The following BRINP2 variants were observed in gnomAD, a reference collection of about 807,000 sequenced individuals.
The protein encoded by BRINP2 is BMP/retinoic acid inducible neural specific 2, also known as BMP/retinoic acid-inducible neural-specific protein 2.
Under a neutral mutation model 69.2 loss-of-function variants are expected in BRINP2, and 21 were observed. The observed-to-expected ratio is 0.30, with a 90% CI of 0.22 to 0.44. The LOEUF is 0.44. Ranked by LOEUF, BRINP2 falls within the 20% of genes least tolerant of loss-of-function variation. The pLI, the probability that BRINP2 is intolerant of heterozygous loss-of-function variation, is 1.00. For synonymous variants in BRINP2, 380 were observed against 394.1 expected, an observed-to-expected ratio of 0.96 and a Z score of 0.42; for missense variants, 877 against 986.0, an observed-to-expected ratio of 0.89 and a Z score of 1.48.
chr1:177,226,007 A>G (rs2102322347), intron 1 of BRINP2, among the ~76,000 whole-genome samples: 1 of 152,390 alleles, frequency 6.6e-6, no homozygotes, highest in East Asian at 1.9e-4. Flanking sequence ...ATAACCAGGC[A>G]GGTTCTAGCA....
intron 2 of BRINP2, among the ~76,000 whole-genome samples, chr1:177,236,920 A>G (rs1650045811): frequency 7.1e-6 from 1 of 141,560 alleles, no homozygotes; most frequent in Non-Finnish European, 1.5e-5. Context: ...GGTGCAACTA[A>G]AAAAAAAAAA....
At position 177,243,696 on chromosome 1, in the gene BRINP2, A is replaced by T. The variant is rs1650282536; in HGVS notation, c.270-12223A>T. Among the ~76,000 whole-genome samples, 6 of 152,334 alleles carry T rather than the reference A, an allele frequency of 3.9e-5. No individual in the cohort carries two copies. In the South Asian group the frequency reaches 1.2e-3, roughly 32 times the overall value. On this transcript the variant is annotated intron_variant, in intron 2 of 7. Coordinates refer to ENST00000361539, the MANE Select transcript of BRINP2 (RefSeq NM_021165.4). ...AACTGCTGAAACAAACAGTCCTCAA[A>T]TCTGAGTGACTTAATGAAAGTTTAT...
intron 2 of BRINP2, among the ~76,000 whole-genome samples, chr1:177,242,158 G>A (rs1218332852): frequency 2.0e-5 from 3 of 152,028 alleles, no homozygotes; most frequent in South Asian, 2.1e-4. Context: ...AGATTCTATC[G>A]CAGAACTGTC....
chr1:177,240,972 A>G (rs2102333335), intron 2 of BRINP2, among the ~76,000 whole-genome samples: 1 of 152,012 alleles, frequency 6.6e-6, no homozygotes, highest in South Asian at 2.1e-4. Context: ...CACTGGAGCC[A>G]ATATTTTTTT....
At chr1:177,246,203 C>G (rs1650373745) in intron 2 of BRINP2, among the ~76,000 whole-genome samples, 1 of 152,164 alleles carries the variant, frequency 6.6e-6, no homozygotes, top group South Asian at 2.1e-4. Context: ...GGGATCTCTC[C>G]CAGCCACAGT....
intron 1 of BRINP2, among the ~76,000 whole-genome samples, chr1:177,172,826 A>C (rs1647976091): frequency 6.6e-6 from 1 of 152,214 alleles, no homozygotes; most frequent in East Asian, 1.9e-4. Context: ...TAAAAGGTCA[A>C]GCTTATAGTT....
chr1:177,172,265 G>T (rs1200562078), intron 1 of BRINP2, among the ~76,000 whole-genome samples: 1 of 152,208 alleles, frequency 6.6e-6, no homozygotes, highest in African/African-American at 2.4e-5. Context: ...CCTGTAGGTT[G>T]CAAATAGTCT....
chr1:177,187,201 CAACT>C (rs1356289857), intron 1 of BRINP2, among the ~76,000 whole-genome samples: 1 of 150,364 alleles, frequency 6.7e-6, no homozygotes, highest in Non-Finnish European at 1.5e-5. Flanking sequence ...TTCTCTAACT[CAACT>C]GTTTCCTGCC....
At chr1:177,254,380 AC>A (rs34860813) in intron 2 of BRINP2, among the ~76,000 whole-genome samples, 1 of 79,474 alleles carries the variant, frequency 1.3e-5, no homozygotes, top group Non-Finnish European at 3.0e-5. Context: ...GCACACATGC[AC>A]ACACACACAC....
chr1:177,228,982 G>C (rs998356781), intron 1 of BRINP2, among the ~76,000 whole-genome samples: 2 of 152,156 alleles, frequency 1.3e-5, no homozygotes, highest in African/African-American at 2.4e-5. Context: ...TCTGCTCTCA[G>C]GAGCTGGTAT....
chr1:177,257,438 G>A, intron 4 of BRINP2, 54 bp downstream of exon 4: 2 of 1,490,502 alleles, frequency 1.3e-6, no homozygotes, highest in Non-Finnish European at 1.8e-6. Flanking sequence ...GAGGAACCAG[G>A]GGGAGGCCAG....
At chr1:177,214,564 G>A (rs1649321724) in intron 1 of BRINP2, among the ~76,000 whole-genome samples, 1 of 152,200 alleles carries the variant, frequency 6.6e-6, no homozygotes, top group African/African-American at 2.4e-5. Context: ...AAGTTTTCCT[G>A]AATGCCAAGT....
intron 2 of BRINP2, among the ~76,000 whole-genome samples, chr1:177,236,462 A>C (rs1056325326): frequency 6.6e-6 from 1 of 152,190 alleles, no homozygotes; most frequent in African/African-American, 2.4e-5. Context: ...ATAATTCTAG[A>C]ACATATATAG....
chr1:177,184,078 A>G (rs1648352565), intron 1 of BRINP2, among the ~76,000 whole-genome samples: 1 of 152,250 alleles, frequency 6.6e-6, no homozygotes, highest in South Asian at 2.1e-4. Context: ...ATGGTATGCA[A>G]TCTACTTGAC....
intron 3 of BRINP2, 200 bp from the exon 4 acceptor site, chr1:177,256,976 T>C: frequency 4.1e-6 from 6 of 1,472,094 alleles, no homozygotes; most frequent in Non-Finnish European, 5.4e-6. Context: ...GAAGAGGGCC[T>C]TTCAGGCAGC....
chr1:177,273,438 G>C, intron 4 of BRINP2, 50 bp from the exon 5 acceptor site: 1 of 1,255,290 alleles, frequency 8.0e-7, no homozygotes, highest in African/African-American at 1.5e-5. Flanking sequence ...AAGTATAAAG[G>C]GAGTCTCCAC....
In BRINP2 at chr1:177,256,274, T is replaced by G. The variant is rs1265431844; in HGVS notation, c.460+165T>G. 6 of 976,910 alleles carry G rather than the reference T, an allele frequency of 6.1e-6. No individual in the cohort carries two copies. The African/African-American group carries it at 7.0e-5, about 11-fold the overall frequency. 60.5% of individuals were successfully genotyped at this position (976,910 alleles called of 1,614,324 possible). On this transcript the variant is annotated intron_variant, in intron 3 of 7. Transcript: ENST00000361539. ...ACAGTGCAGTCTCTTGACATCTCAA[T>G]TTACCCCAGAACATCTCTATTTAAT...
chr1:177,204,307 G>A (rs1036068833), intron 1 of BRINP2, among the ~76,000 whole-genome samples: 20 of 152,148 alleles, frequency 1.3e-4, no homozygotes, highest in Non-Finnish European at 2.9e-4. Context: ...GGGTGGAGGT[G>A]TGAATCTCAT....
intron 7 of BRINP2, among the ~76,000 whole-genome samples, chr1:177,279,080 A>G (rs1030370982): frequency 1.3e-5 from 2 of 152,208 alleles, no homozygotes; most frequent in African/African-American, 4.8e-5. Context: ...AAGTCTTAGA[A>G]AAAAAGGGAT....
Sources: gnomAD v4.1 joint callset for allele counts (sites outside exome capture counted in the v4.1 genomes callset) on GRCh38, gnomAD v4.1.1 for gene constraint, MANE v1.5 for transcripts, NCBI Gene and HGNC (gene_info 2026-07-23, HGNC 2026-07-21) for gene names.